Variants in LMX1B observed in about 807,000 individuals in gnomAD.
LMX1B encodes LIM homeobox transcription factor 1 beta, also known as LIM homeobox transcription factor 1-beta.
In LMX1B, 12 loss-of-function variants were observed where a neutral mutation model predicts 51.4. The observed-to-expected ratio is 0.23, with a 90% CI of 0.15 to 0.38. The LOEUF is 0.38. Ranked by LOEUF, LMX1B falls within the 10% of genes least tolerant of loss-of-function variation. LMX1B has a pLI of 1.00. For synonymous variants in LMX1B, 237 were observed against 235.4 expected (o/e 1.01, Z -0.06); for missense variants, 445 against 571.1 (o/e 0.78, Z 2.25).
chr9:126,686,672 T>G (rs1352456969), intron 2 of LMX1B, among the ~76,000 whole-genome samples: 1 of 152,042 alleles, frequency 6.6e-6, no homozygotes, highest in East Asian at 1.9e-4. Context: ...GGGCCCAGGG[T>G]AAGGGCAGCT....
intron 2 of LMX1B, among the ~76,000 whole-genome samples, chr9:126,624,591 G>T (rs1444168454): frequency 6.6e-6 from 1 of 152,082 alleles, no homozygotes; most frequent in Non-Finnish European, 1.5e-5. Flanking sequence ...CGGCGCGGAT[G>T]CTAGGGCCGA....
At chr9:126,634,404 G>A (rs1039686360) in intron 2 of LMX1B, among the ~76,000 whole-genome samples, 2 of 152,240 alleles carry the variant, frequency 1.3e-5, no homozygotes, top group African/African-American at 4.8e-5. Flanking sequence ...TCCACGCCCT[G>A]TGTGGGTATC....
At chr9:126,696,048 C>T (rs2030319395) in intron 7 of LMX1B, 45 bp downstream of exon 7, 2 of 1,462,164 alleles carry the variant, frequency 1.4e-6, no homozygotes, top group Middle Eastern at 2.5e-4. Context: ...ACAGCCCCTG[C>T]CCCCTGCCAG....
rs368736494 is a variant in LMX1B at position 126,693,305 on chromosome 9, G to A, written c.723G>A (p.Ser241=). The A allele has an allele frequency of 2.4e-5, 39 of 1,604,682 alleles. No individual in the cohort carries two copies. Among genetic ancestry groups the A allele is most frequent in the African/African-American group, 1.3e-4 (10 of 74,616 alleles). ...CCTTCAAGGCCTCCTTCGAGGTCTC[G>A]TCGAAGCCTTGCCGAAAGGTGAGGG... is the stretch of plus-strand genomic sequence containing the variant. The part of the protein sequence containing the change: ...RRAFKASFEV[S]SKPCRKVRET... The change falls in exon 4 of 8, where the codon TCG becomes TCA. Residue 241 remains serine (S), a synonymous_variant. Transcript: ENST00000373474.
intron 2 of LMX1B, among the ~76,000 whole-genome samples, chr9:126,628,241 C>T (rs1835569784): frequency 6.6e-6 from 1 of 152,174 alleles, no homozygotes; most frequent in Admixed American, 6.5e-5. Flanking sequence ...CAGTGGGCTG[C>T]TAGGACCTCT....
rs531802097 is a variant in LMX1B at position 126,661,136 on chromosome 9, G to A, written c.327-29700G>A. On this transcript the variant is annotated intron_variant, in intron 2 of 7. Transcript: ENST00000373474. Reference sequence around the variant, plus strand: ...ACCGTAGTAGACACGCCCATACACAGGACAACCTCTGAGGCCAGTGTGGAT... The same window carrying A: ...ACCGTAGTAGACACGCCCATACACAAGACAACCTCTGAGGCCAGTGTGGAT... Among the ~76,000 whole-genome samples the A allele has an allele frequency of 4.6e-5, 7 of 152,324 alleles. No individual in the cohort carries two copies. In the East Asian group the frequency reaches 1.3e-3, roughly 29 times the overall value.
intron 2 of LMX1B, among the ~76,000 whole-genome samples, chr9:126,687,730 G>A (rs1312849114): frequency 6.6e-6 from 1 of 152,122 alleles, no homozygotes; most frequent in African/African-American, 2.4e-5. Flanking sequence ...GGCTCGAGAA[G>A]AAAAATTACT....
chr9:126,635,951 T>C (rs1377319747), intron 2 of LMX1B, among the ~76,000 whole-genome samples: 1 of 152,060 alleles, frequency 6.6e-6, no homozygotes. Flanking sequence ...GGCGTCCCAC[T>C]CCCATGGCCC....
intron 2 of LMX1B, among the ~76,000 whole-genome samples, chr9:126,650,292 G>A (rs960594358): frequency 6.6e-6 from 1 of 152,212 alleles, no homozygotes; most frequent in Non-Finnish European, 1.5e-5. Flanking sequence ...CCATCTGTAG[G>A]GTCACAGACC....
chr9:126,677,665 A>G lies in LMX1B; in HGVS notation c.327-13171A>G, dbSNP rs1836590191. ...TCATGAGGCATCAGTGAGGCCCCTG[A>G]GTGTGAAGCTCTGAGCACAGGGCTG... On this transcript the variant is annotated intron_variant, in intron 2 of 7. Transcript: ENST00000373474. This position sits in a 1 kb window ranked among gnomAD's most constrained non-coding sequence, Gnocchi z 5.0. Among the ~76,000 whole-genome samples the G allele has an allele frequency of 6.6e-6, 1 of 152,140 alleles. No homozygotes were observed. The highest frequency in any genetic ancestry group is 1.5e-5 in the Non-Finnish European group (1 of 68,022).
intron 2 of LMX1B, among the ~76,000 whole-genome samples, chr9:126,637,822 T>TCCCCCCCCCCCCCCCCCC (rs56108871): frequency 2.2e-5 from 2 of 91,996 alleles, no homozygotes; most frequent in African/African-American, 8.9e-5. Context: ...GTGCCTGTCC[T>TCCCCCCCCCCCCCCCCCC]CCCCCCCCCC....
intron 2 of LMX1B, among the ~76,000 whole-genome samples, chr9:126,651,857 A>G (rs1425852999): frequency 6.6e-6 from 1 of 152,186 alleles, no homozygotes; most frequent in Non-Finnish European, 1.5e-5. Flanking sequence ...CAAACTGGTG[A>G]GTCCCCTATG....
At position 126,671,048 on chromosome 9, in the gene LMX1B, T is replaced by C. The variant is rs1304104882; in HGVS notation, c.327-19788T>C. Among the ~76,000 whole-genome samples, 1 of 152,092 alleles carries C rather than the reference T, an allele frequency of 6.6e-6. No homozygotes were observed. Among genetic ancestry groups the C allele is most frequent in the Admixed American group, 6.5e-5 (1 of 15,274 alleles). ...AGGACAGATACACAGCCAGGGGCCA[T>C]GCCAGGTGGCAGAGAAGGGGGCAAG... On this transcript the variant is annotated intron_variant, in intron 2 of 7. Transcript: ENST00000373474. The surrounding 1 kb of genome is among the most constrained non-coding windows in gnomAD (Gnocchi z 4.4).
At chr9:126,621,118 G>GA (rs1379853227) in intron 2 of LMX1B, among the ~76,000 whole-genome samples, 1 of 152,132 alleles carries the variant, frequency 6.6e-6, no homozygotes, top group African/African-American at 2.4e-5. Flanking sequence ...AAAGGAAGAG[G>GA]AAAAAAACCA....
chr9:126,644,704 C>T (rs558891036), intron 2 of LMX1B, among the ~76,000 whole-genome samples: 8 of 152,274 alleles, frequency 5.3e-5, no homozygotes, highest in African/African-American at 1.9e-4. Flanking sequence ...ACTTCCTGGC[C>T]GTGTCCCTGC....
At chr9:126,653,144 T>G (rs990562311) in intron 2 of LMX1B, among the ~76,000 whole-genome samples, 1 of 46,670 alleles carries the variant, frequency 2.1e-5, no homozygotes, top group Non-Finnish European at 5.2e-5. Flanking sequence ...AGTAGATGCT[T>G]TTTTTTTTTT....
intron 2 of LMX1B, among the ~76,000 whole-genome samples, chr9:126,631,915 AGTCCTTT>A (rs944387597): frequency 6.6e-6 from 1 of 152,106 alleles, no homozygotes; most frequent in Non-Finnish European, 1.5e-5. Context: ...ATGCTCCCAC[AGTCCTTT>A]GTGCTGGGCC....
chr9:126,664,662 T>C (rs1488187563), intron 2 of LMX1B, among the ~76,000 whole-genome samples: 1 of 152,108 alleles, frequency 6.6e-6, no homozygotes, highest in African/African-American at 2.4e-5. Context: ...GATCACCAGG[T>C]CAGGAGTGCA....
chr9:126,615,704 G>C lies in LMX1B; in HGVS notation c.326+135G>C, dbSNP rs970470892. The C allele has an allele frequency of 7.8e-6, 6 of 770,464 alleles. No homozygotes were observed. The highest frequency in any genetic ancestry group is 9.6e-6 in the Non-Finnish European group (5 of 519,882). 47.7% of individuals were successfully genotyped at this position (770,464 alleles called of 1,614,324 possible). A position where few individuals can be genotyped will look rare whatever the true frequency, so the allele number is the denominator to read the frequency against. On this transcript the variant is annotated intron_variant, in intron 2 of 7. Coordinates refer to ENST00000373474, the MANE Select transcript of LMX1B (RefSeq NM_001174147.2). The surrounding 1 kb of genome is among the most constrained non-coding windows in gnomAD (Gnocchi z 6.0). Reference sequence around the variant, plus strand: ...GGCCGGGCAGCTCCAAGGGTTCCGAGAGCTGCGCGTCTTGGGGCTGGGGCG... The same window carrying C: ...GGCCGGGCAGCTCCAAGGGTTCCGACAGCTGCGCGTCTTGGGGCTGGGGCG...
Sources: gnomAD v4.1 joint callset for allele counts (sites outside exome capture counted in the v4.1 genomes callset) on GRCh38, gnomAD v4.1.1 for gene constraint, Gnocchi (gnomAD v3.1) non-coding constraint, MANE v1.5 for transcripts, NCBI Gene and HGNC (gene_info 2026-07-23, HGNC 2026-07-21) for gene names.